Variants in MCHR2 observed in about 807,000 individuals in gnomAD.
MCHR2 encodes the protein melanin concentrating hormone receptor 2.
Under a neutral mutation model 24.8 loss-of-function variants are expected in MCHR2, and 15 were observed. The observed-to-expected ratio is 0.60, with a 90% CI of 0.40 to 0.93. The LOEUF (loss-of-function observed/expected upper bound fraction) is 0.93, where lower values mean the gene tolerates loss of function less well. MCHR2 is among the 40% of genes least tolerant of loss of function. MCHR2 has a pLI of 0.00. For synonymous variants in MCHR2, 151 were observed against 147.6 expected (o/e 1.02, Z -0.17); for missense variants, 386 against 408.7 (o/e 0.94, Z 0.48).
intron 1 of MCHR2, among the ~76,000 whole-genome samples, chr6:99,960,092 C>G (rs560632092): frequency 6.6e-6 from 1 of 151,938 alleles, no homozygotes; most frequent in Non-Finnish European, 1.5e-5. Context: ...TTGAAAGCAG[C>G]AAGAGAAAAA....
At chr6:99,976,734 GA>G (rs948751154) in intron 1 of MCHR2, among the ~76,000 whole-genome samples, 96 of 152,232 alleles carry the variant, frequency 6.3e-4, no homozygotes, top group African/African-American at 2.1e-3. Flanking sequence ...TTCACCTTCT[GA>G]CACCTGCTTT....
At chr6:99,937,869 C>T (rs1393673977) in intron 4 of MCHR2, among the ~76,000 whole-genome samples, 1 of 151,578 alleles carries the variant, frequency 6.6e-6, no homozygotes, top group Non-Finnish European at 1.5e-5. Context: ...TTTGTTACAG[C>T]GTCAGTCTCC....
At chr6:99,965,372 G>A (rs1775277333) in intron 1 of MCHR2, among the ~76,000 whole-genome samples, 2 of 152,098 alleles carry the variant, frequency 1.3e-5, no homozygotes, top group African/African-American at 4.8e-5. Context: ...ATGCCAAAGT[G>A]TTTACAAAAA....
chr6:99,957,751 T>TTAA (rs1554195073), intron 1 of MCHR2, among the ~76,000 whole-genome samples: 1 of 151,444 alleles, frequency 6.6e-6, no homozygotes, highest in Non-Finnish European at 1.5e-5. Flanking sequence ...AGAGTTAACA[T>TTAA]TTGTTAAAAA....
intron 1 of MCHR2, among the ~76,000 whole-genome samples, chr6:99,968,156 G>A (rs1353819584): frequency 6.6e-6 from 1 of 152,142 alleles, no homozygotes; most frequent in African/African-American, 2.4e-5. Flanking sequence ...TTTACTGGGG[G>A]TATGGAACCC....
In MCHR2 at chr6:99,942,957, A is replaced by G. The variant is rs201873494; in HGVS notation, c.579T>C (p.Asp193=). ...AAGTTTTCACAACTTACCAGAGTAC[A>G]TCGTCAGGGGATGTCAAATCAAAAG... ...SCAFDLTSPD[D]VLWYTLYLTI... is the part of the protein sequence containing the mutation. The change falls in exon 4 of 6, where the codon GAT becomes GAC. Residue 193 remains aspartate, a synonymous_variant. Transcript: ENST00000281806. 6.2e-7 allele frequency: 1 copy of G among 1,610,696 alleles called. No homozygotes were observed. The highest frequency in any genetic ancestry group is 1.3e-5 in the African/African-American group (1 of 74,846).
At chr6:99,986,142 AGAAT>A (rs745756299) in intron 1 of MCHR2, among the ~76,000 whole-genome samples, 9 of 152,158 alleles carry the variant, frequency 5.9e-5, no homozygotes, top group Non-Finnish European at 1.3e-4. Flanking sequence ...TATACCAGCC[AGAAT>A]GAATATTATT....
At chr6:99,964,874 A>G (rs1775265121) in intron 1 of MCHR2, among the ~76,000 whole-genome samples, 1 of 152,132 alleles carries the variant, frequency 6.6e-6, no homozygotes, top group African/African-American at 2.4e-5. Context: ...AATCATAAGG[A>G]AGGGCAAAAA....
At chr6:99,927,971 G>T (rs886134852) in intron 5 of MCHR2, among the ~76,000 whole-genome samples, 2 of 152,084 alleles carry the variant, frequency 1.3e-5, no homozygotes, top group African/African-American at 2.4e-5. Flanking sequence ...TTGGCTGTGG[G>T]TTTGTCATAG....
intron 1 of MCHR2, among the ~76,000 whole-genome samples, chr6:99,972,029 T>C (rs536242026): frequency 3.3e-5 from 5 of 152,192 alleles, no homozygotes; most frequent in African/African-American, 1.2e-4. Flanking sequence ...TCTCTTTTTT[T>C]GTTGTATCTC....
intron 1 of MCHR2, among the ~76,000 whole-genome samples, chr6:99,984,323 A>C (rs949078098): frequency 6.6e-6 from 1 of 151,558 alleles, no homozygotes; most frequent in Non-Finnish European, 1.5e-5. Context: ...GGTTAGTTAC[A>C]TATGTATACA....
chr6:99,929,938 G>A (rs1393784727), intron 5 of MCHR2, among the ~76,000 whole-genome samples: 4 of 150,254 alleles, frequency 2.7e-5, no homozygotes, highest in East Asian at 1.9e-4. Context: ...TAGCCTCGAC[G>A]GTCTTTACAA....
intron 5 of MCHR2, among the ~76,000 whole-genome samples, chr6:99,927,417 T>C (rs540063277): frequency 6.6e-6 from 1 of 152,342 alleles, no homozygotes; most frequent in African/African-American, 2.4e-5. Context: ...ATCTATAAAT[T>C]ACCTTGGGCA....
At chr6:99,988,767 G>A (rs1291630021) in intron 1 of MCHR2, among the ~76,000 whole-genome samples, 1 of 152,206 alleles carries the variant, frequency 6.6e-6, no homozygotes, top group Non-Finnish European at 1.5e-5. Context: ...TAGAGGATTA[G>A]AAGACACATC....
At chr6:99,982,551 A>T (rs1373764259) in intron 1 of MCHR2, among the ~76,000 whole-genome samples, 1 of 150,960 alleles carries the variant, frequency 6.6e-6, no homozygotes, top group Admixed American at 6.6e-5. Context: ...AGACAGGAAG[A>T]TCGCTTGAGC....
intron 5 of MCHR2, among the ~76,000 whole-genome samples, chr6:99,921,579 A>G (rs189021066): frequency 6.6e-6 from 1 of 152,180 alleles, no homozygotes. Context: ...CATCATGAAG[A>G]ATTGGGTATC....
At chr6:99,922,044 G>C (rs1774244148) in intron 5 of MCHR2, among the ~76,000 whole-genome samples, 1 of 150,900 alleles carries the variant, frequency 6.6e-6, no homozygotes, top group Non-Finnish European at 1.5e-5. Context: ...CACTTAGGTT[G>C]ATTCTAAATC....
intron 1 of MCHR2, among the ~76,000 whole-genome samples, chr6:99,977,250 C>G (rs562435906): frequency 5.9e-5 from 9 of 152,218 alleles, no homozygotes; most frequent in African/African-American, 1.7e-4. Flanking sequence ...TAGCTGGAAG[C>G]GAATGTTCTT....
chr6:99,923,622 T>A (rs1010881997), intron 5 of MCHR2, among the ~76,000 whole-genome samples: 1 of 152,132 alleles, frequency 6.6e-6, no homozygotes, highest in African/African-American at 2.4e-5. Flanking sequence ...TTTTATCAGA[T>A]GCTTTTTCAG....
Sources: gnomAD v4.1 joint callset for allele counts (sites outside exome capture counted in the v4.1 genomes callset) on GRCh38, gnomAD v4.1.1 for gene constraint, MANE v1.5 for transcripts, NCBI Gene and HGNC (gene_info 2026-07-23, HGNC 2026-07-21) for gene names.